Variants in TMEM50A observed in about 807,000 individuals in gnomAD.
The protein encoded by TMEM50A is cervical cancer oncogene 9.
TMEM50A carries 8 observed loss-of-function variants against 23.9 expected under a neutral mutation model. The observed-to-expected ratio is 0.33, with a 90% CI of 0.20 to 0.60. TMEM50A has a LOEUF of 0.60. TMEM50A is among the 20% of genes least tolerant of loss of function. The pLI, the probability that TMEM50A is intolerant of heterozygous loss-of-function variation, is 0.81. For synonymous variants in TMEM50A, 55 were observed against 60.4 expected (o/e 0.91, Z 0.41); for missense variants, 178 against 192.7 (o/e 0.92, Z 0.45).
intron 2 of TMEM50A, among the ~76,000 whole-genome samples, chr1:25,341,599 G>C (rs1645169325): frequency 6.6e-6 from 1 of 152,074 alleles, no homozygotes; most frequent in Non-Finnish European, 1.5e-5. Context: ...AGCTGGTCTT[G>C]AACTCCCGAC....
intron 2 of TMEM50A, among the ~76,000 whole-genome samples, chr1:25,341,350 CG>C (rs774198680): frequency 4.6e-5 from 7 of 152,048 alleles, no homozygotes; most frequent in East Asian, 1.9e-4. Flanking sequence ...CTCCGCTTCC[CG>C]GGGTTCACGC....
chr1:25,348,932 T>C (rs1043867811), intron 3 of TMEM50A, among the ~76,000 whole-genome samples: 3 of 152,076 alleles, frequency 2.0e-5, no homozygotes, highest in East Asian at 3.9e-4. Context: ...GAAAGACAAG[T>C]TGTGGTGGCC....
At chr1:25,358,477 T>C (rs1360399490) in intron 6 of TMEM50A, among the ~76,000 whole-genome samples, 1 of 152,118 alleles carries the variant, frequency 6.6e-6, no homozygotes, top group African/African-American at 2.4e-5. Context: ...GAAACAAAAA[T>C]CCCATGTTTA....
rs962515681 is a variant in TMEM50A at position 25,356,980 on chromosome 1, C to T, written c.428+127C>T. ...CCTCCCCCATGATATTTTCATAAAA[C>T]ATGGAGAGTAAGGTTGAGAAGGATA... On this transcript the variant is annotated intron_variant, in intron 6 of 6. Transcript: ENST00000374358. 1.1e-5 allele frequency: 7 copies of T among 654,020 alleles called. No individual in the cohort carries two copies. In the Admixed American group the frequency reaches 2.4e-4, roughly 22 times the overall value. 40.5% of individuals were successfully genotyped at this position (654,020 alleles called of 1,614,324 possible).
At position 25,362,018 on chromosome 1, in the gene TMEM50A, C is replaced by T. The variant is rs1645414165; in HGVS notation, c.*1313C>T. 4 of 203,482 alleles carry T rather than the reference C, an allele frequency of 2.0e-5. No individual in the cohort carries two copies. The highest frequency in any genetic ancestry group is 1.0e-5 in the Non-Finnish European group (1 of 99,672). 12.6% of individuals were successfully genotyped at this position (203,482 alleles called of 1,614,324 possible). ...TTTTAATCCTCAGGCAGTGCATCCC[C>T]CCACCCTACAACTGAGCACAACCTC... is the stretch of plus-strand genomic sequence containing the variant. On this transcript the variant is annotated 3_prime_UTR_variant, in exon 7 of 7. Coordinates refer to ENST00000374358, the MANE Select transcript of TMEM50A (RefSeq NM_014313.4).
At chr1:25,359,559 C>T (rs944434865) in intron 6 of TMEM50A, among the ~76,000 whole-genome samples, 1 of 151,832 alleles carries the variant, frequency 6.6e-6, no homozygotes. Flanking sequence ...AGAAAGTTTA[C>T]GAATTTGTGT....
intron 6 of TMEM50A, 34 bp downstream of exon 6, chr1:25,356,887 T>C (rs779327569): frequency 3.4e-6 from 5 of 1,459,102 alleles, no homozygotes; most frequent in African/African-American, 1.5e-5. Context: ...TGTTTGTTTG[T>C]TTTTTTTTAA....
chr1:25,340,494 G>C lies in TMEM50A; in HGVS notation c.8G>C (p.Gly3Ala). The change falls in exon 2 of 7, where the codon GGA becomes GCA. Residue 3 changes from glycine to alanine, a missense_variant. Physicochemically the swap from Gly to Ala is moderately conservative, Grantham distance 60. Coordinates refer to ENST00000374358, the MANE Select transcript of TMEM50A (RefSeq NM_014313.4). ...TTAAGTGACCTGAAAAAAATGTCTGGATTTCTAGAGGGCTTGAGATGCTCA... is the reference window on the plus strand; with the variant it reads ...TTAAGTGACCTGAAAAAAATGTCTGCATTTCTAGAGGGCTTGAGATGCTCA... MS[G>A]FLEGLRCSEC... The C allele has an allele frequency of 6.2e-7, 1 of 1,611,748 alleles. No individual in the cohort carries two copies. The highest frequency in any genetic ancestry group is 8.5e-7 in the Non-Finnish European group (1 of 1,179,194).
chr1:25,347,109 C>T (rs554582631), intron 3 of TMEM50A, among the ~76,000 whole-genome samples: 4 of 152,278 alleles, frequency 2.6e-5, no homozygotes, highest in Non-Finnish European at 5.9e-5. Context: ...CTTATATATA[C>T]ACCCATGTAA....
chr1:25,345,638 C>T lies in TMEM50A; in HGVS notation c.206+2565C>T, dbSNP rs147063127. Reference sequence around the variant, plus strand: ...TTGCGTGCCTGTAGTCCCAGCTACTCGGGAGCCTGAGGCACAAGAATCACT... The same window carrying T: ...TTGCGTGCCTGTAGTCCCAGCTACTTGGGAGCCTGAGGCACAAGAATCACT... On this transcript the variant is annotated intron_variant, in intron 3 of 6. Coordinates refer to ENST00000374358, the MANE Select transcript of TMEM50A (RefSeq NM_014313.4). 5.5e-3 allele frequency among the ~76,000 whole-genome samples: 830 copies of T among 151,246 alleles called. 11 individuals carry two copies. The highest frequency in any genetic ancestry group is 0.018 in the African/African-American group (728 of 41,266).
Position 25,360,890 on chromosome 1 carries a change from A to G in TMEM50A, c.*185A>G. 2.2e-6 allele frequency: 1 copy of G among 460,010 alleles called. No individual in the cohort carries two copies. Among genetic ancestry groups the G allele is most frequent in the Non-Finnish European group, 3.8e-6 (1 of 262,998 alleles). The allele number at this position is 460,010 out of a possible 1,614,324, so 28.5% of individuals were successfully genotyped here. ...CAACCAAAAATCTATTGTGGTATGC[A>G]CTTGATTAACTTATAAAATGTTAGA... On this transcript the variant is annotated 3_prime_UTR_variant, in exon 7 of 7. Transcript: ENST00000374358.
chr1:25,355,041 G>A (rs1263866078), intron 5 of TMEM50A, among the ~76,000 whole-genome samples: 4 of 152,086 alleles, frequency 2.6e-5, no homozygotes, highest in African/African-American at 9.7e-5. Flanking sequence ...CAAAGTGCTG[G>A]GATTACAGGA....
chr1:25,351,708 A>G lies in TMEM50A; in HGVS notation c.274+15A>G, dbSNP rs181676893. 3,682 of 1,606,276 alleles carry G rather than the reference A, an allele frequency of 2.3e-3. 9 individuals are homozygous for G. Among genetic ancestry groups the G allele is most frequent in the Non-Finnish European group, 2.9e-3 (3,396 of 1,176,440 alleles). On this transcript the variant is annotated intron_variant, in intron 4 of 6. Coordinates refer to ENST00000374358, the MANE Select transcript of TMEM50A (RefSeq NM_014313.4). ...GGGTCAAACAGGTAAATAGGTGCAA[A>G]CAGCATCTTATTATACATGCTTAAA...
intron 1 of TMEM50A, among the ~76,000 whole-genome samples, 194 bp from the exon 2 acceptor site, chr1:25,340,279 GA>G (rs1645154143): frequency 6.6e-6 from 1 of 152,122 alleles, no homozygotes; most frequent in Non-Finnish European, 1.5e-5. Flanking sequence ...AATGAATCCA[GA>G]TATTACTTTC....
At chr1:25,342,089 C>T (rs1177117333) in intron 2 of TMEM50A, among the ~76,000 whole-genome samples, 3 of 152,106 alleles carry the variant, frequency 2.0e-5, no homozygotes, top group Non-Finnish European at 4.4e-5. Flanking sequence ...TGTACTCATG[C>T]TAGCCATTAA....
In TMEM50A at chr1:25,352,984, A is replaced by G. The variant is rs769991798; in HGVS notation, c.367+10A>G. The G allele has an allele frequency of 1.0e-5, 16 of 1,603,826 alleles. No homozygotes were observed. Among genetic ancestry groups the G allele is most frequent in the Middle Eastern group, 1.7e-4 (1 of 6,044 alleles). On this transcript the variant is annotated intron_variant, in intron 5 of 6. Transcript: ENST00000374358. ...GGTTATGTTGCTAAAGGTAAGAGAA[A>G]ACATAGGTTACAATTTACTTCAGTG...
chr1:25,349,551 T>G lies in TMEM50A; in HGVS notation c.207-2075T>G, dbSNP rs531187216. On this transcript the variant is annotated intron_variant, in intron 3 of 6. Transcript: ENST00000374358. ...GAAAATAATTGAGTATTTTGATCAT[T>G]CTGAAACTTAGATTTGTATGAATAA... Among the ~76,000 whole-genome samples the G allele has an allele frequency of 8.1e-4, 123 of 152,382 alleles. 5 individuals are homozygous for G. In the South Asian group the frequency reaches 0.025, roughly 31 times the overall value.
At chr1:25,338,770 G>C (rs1343055424) in intron 1 of TMEM50A, 1 of 152,186 alleles carries the variant, frequency 6.6e-6, no homozygotes, top group East Asian at 1.9e-4. Flanking sequence ...CCCCGAGAAA[G>C]GAGCGTGACC....
At chr1:25,344,376 T>C (rs1037435500) in intron 3 of TMEM50A, among the ~76,000 whole-genome samples, 1 of 152,216 alleles carries the variant, frequency 6.6e-6, no homozygotes, top group African/African-American at 2.4e-5. Flanking sequence ...ACAAAATTTA[T>C]TGCAGTGCCA....
Sources: gnomAD v4.1 joint callset for allele counts (sites outside exome capture counted in the v4.1 genomes callset) on GRCh38, gnomAD v4.1.1 for gene constraint, MANE v1.5 for transcripts, NCBI Gene and HGNC (gene_info 2026-07-23, HGNC 2026-07-21) for gene names.